Variants in STIM1 observed in about 807,000 individuals in gnomAD.
STIM1 encodes the protein stromal interaction molecule 1.
Under a neutral mutation model 74.7 loss-of-function variants are expected in STIM1, and 25 were observed. That is an observed-to-expected ratio of 0.33 (90% CI 0.24 to 0.47). The LOEUF is 0.47. Ranked by LOEUF, STIM1 falls within the 20% of genes least tolerant of loss-of-function variation. The pLI is 1.00. For missense variants in STIM1, 728 were observed against 920.8 expected (o/e 0.79, Z 2.71); for synonymous variants, 328 against 348.8 (o/e 0.94, Z 0.66).
chr11:3,920,036 C>G (rs1447236882), intron 1 of STIM1, among the ~76,000 whole-genome samples: 1 of 151,984 alleles, frequency 6.6e-6, no homozygotes, highest in East Asian at 1.9e-4. Flanking sequence ...TATGATTGCG[C>G]CAGTGTACTC....
intron 1 of STIM1, among the ~76,000 whole-genome samples, chr11:3,887,139 A>C (rs559090075): frequency 1.3e-5 from 2 of 152,100 alleles, no homozygotes; most frequent in Non-Finnish European, 2.9e-5. Flanking sequence ...GAGGGCTGTG[A>C]GTTTGGTAAT....
chr11:3,957,637 G>T (rs1274662947), intron 1 of STIM1, among the ~76,000 whole-genome samples: 3 of 151,812 alleles, frequency 2.0e-5, no homozygotes, highest in Non-Finnish European at 1.5e-5. Flanking sequence ...GGCTGACACA[G>T]CCTGAAACTC....
intron 1 of STIM1, among the ~76,000 whole-genome samples, chr11:3,882,007 T>C (rs961115327): frequency 6.6e-6 from 1 of 151,956 alleles, no homozygotes; most frequent in Non-Finnish European, 1.5e-5. Flanking sequence ...ATATGATGTA[T>C]TGTGTCTGGC....
At chr11:3,913,822 A>G (rs2092602090) in intron 1 of STIM1, among the ~76,000 whole-genome samples, 1 of 152,194 alleles carries the variant, frequency 6.6e-6, no homozygotes, top group Non-Finnish European at 1.5e-5. Context: ...GCAGCCACCA[A>G]TAGGATTTAC....
intron 2 of STIM1, among the ~76,000 whole-genome samples, chr11:3,976,094 G>A (rs559405570): frequency 6.6e-6 from 1 of 152,274 alleles, no homozygotes; most frequent in East Asian, 1.9e-4. Flanking sequence ...GTCCTTCAAT[G>A]TATGAACGGA....
At chr11:4,001,110 T>C (rs912000236) in intron 2 of STIM1, among the ~76,000 whole-genome samples, 3 of 152,202 alleles carry the variant, frequency 2.0e-5, no homozygotes, top group African/African-American at 7.2e-5. Flanking sequence ...CTGCGTCTGA[T>C]TGGTGTACCT....
chr11:4,038,829 A>G (rs1474573922), intron 3 of STIM1, among the ~76,000 whole-genome samples: 9 of 152,060 alleles, frequency 5.9e-5, no homozygotes, highest in Non-Finnish European at 1.2e-4. Context: ...CTTTGCTTAC[A>G]TTTTTCAGAG....
At chr11:3,874,956 CT>C (rs574649531) in intron 1 of STIM1, among the ~76,000 whole-genome samples, 225 of 143,972 alleles carry the variant, frequency 1.6e-3, no homozygotes, top group Middle Eastern at 0.011. Flanking sequence ...GAGTTTGTAT[CT>C]TTTTTTTTTT....
chr11:4,027,541 C>CT (rs1475168408), intron 3 of STIM1, among the ~76,000 whole-genome samples: 1 of 152,150 alleles, frequency 6.6e-6, no homozygotes, highest in African/African-American at 2.4e-5. Context: ...GTCTCAATCT[C>CT]TTGACCTCAT....
intron 1 of STIM1, among the ~76,000 whole-genome samples, chr11:3,934,317 G>A (rs1359227497): frequency 1.3e-5 from 2 of 151,822 alleles, no homozygotes; most frequent in Non-Finnish European, 2.9e-5. Context: ...CACCCATCTT[G>A]TGTTCCAACT....
At chr11:4,071,349 A>T (rs888627704) in intron 6 of STIM1, among the ~76,000 whole-genome samples, 6 of 151,740 alleles carry the variant, frequency 4.0e-5, no homozygotes, top group African/African-American at 1.2e-4. Context: ...ATTTCTATTT[A>T]TTATTATTAT....
At chr11:4,090,171 C>A (rs919678451) in intron 12 of STIM1, among the ~76,000 whole-genome samples, 3 of 152,158 alleles carry the variant, frequency 2.0e-5, no homozygotes, top group African/African-American at 7.2e-5. Context: ...ATCTTCATTC[C>A]CACAATAATT....
chr11:3,935,842 A>G (rs1034838442), intron 1 of STIM1, among the ~76,000 whole-genome samples: 5 of 152,232 alleles, frequency 3.3e-5, no homozygotes, highest in Non-Finnish European at 7.3e-5. Flanking sequence ...CAATCACAAG[A>G]CAGAGATTGT....
At chr11:4,073,002 A>G (rs749836304) in intron 6 of STIM1, among the ~76,000 whole-genome samples, 1 of 144,130 alleles carries the variant, frequency 6.9e-6, no homozygotes, top group Non-Finnish European at 1.5e-5. Context: ...TGCTTGTTCC[A>G]TGATGTCTTT....
intron 1 of STIM1, among the ~76,000 whole-genome samples, chr11:3,965,008 A>G (rs1402920555): frequency 4.6e-5 from 7 of 152,220 alleles, no homozygotes; most frequent in Non-Finnish European, 7.3e-5. Flanking sequence ...CACAGGTGTG[A>G]GCCACCACAG....
At chr11:3,994,050 G>T (rs914545774) in intron 2 of STIM1, among the ~76,000 whole-genome samples, 1 of 152,098 alleles carries the variant, frequency 6.6e-6, no homozygotes, top group Admixed American at 6.5e-5. Flanking sequence ...TTTTTGTAAG[G>T]TGTGTCAGTT....
intron 4 of STIM1, among the ~76,000 whole-genome samples, chr11:4,057,935 C>G (rs1411147329): frequency 6.6e-6 from 1 of 151,582 alleles, no homozygotes; most frequent in African/African-American, 2.4e-5. Context: ...GTTGTGAGGA[C>G]TGAATGAGGT....
intron 3 of STIM1, among the ~76,000 whole-genome samples, chr11:4,030,905 T>C (rs1265105315): frequency 6.6e-6 from 1 of 152,246 alleles, no homozygotes; most frequent in East Asian, 1.9e-4. Flanking sequence ...AAGATATTTA[T>C]TGAGTTGCAA....
In STIM1 at chr11:4,091,432, C is replaced by T. The variant is rs1590703370; in HGVS notation, c.1785C>T (p.His595=). The change falls in exon 13 of 13, where the codon CAC becomes CAT. Residue 595 remains histidine, a synonymous_variant. Coordinates refer to ENST00000526596, the MANE Select transcript of STIM1 (RefSeq NM_001382567.1). ...NGSHRLIEGV[H]PGSLVEKLPD... ...GCCACCGGCTGATCGAGGGGGTCCACCCAGGGTCTCTGGTGGAGAAACTGC... is the reference window on the plus strand; with the variant it reads ...GCCACCGGCTGATCGAGGGGGTCCATCCAGGGTCTCTGGTGGAGAAACTGC... The T allele has an allele frequency of 6.2e-7, 1 of 1,614,222 alleles. No homozygotes were observed. Among genetic ancestry groups the T allele is most frequent in the Non-Finnish European group, 8.5e-7 (1 of 1,180,032 alleles).
Sources: allele counts gnomAD v4.1 joint callset (sites outside exome capture counted in the v4.1 genomes callset), GRCh38; gene constraint gnomAD v4.1.1; transcripts MANE v1.5; gene names NCBI Gene and HGNC (gene_info 2026-07-23, HGNC 2026-07-21).